TFEC: variants seen among roughly 807,000 people sequenced by gnomAD.
The protein encoded by TFEC is class E basic helix-loop-helix protein 34.
A neutral mutation model predicts 41.6 loss-of-function variants in TFEC; 31 were observed. The observed-to-expected ratio is 0.74, with a 90% CI of 0.56 to 1.01. TFEC has a LOEUF of 1.01. TFEC is among the 50% of genes least tolerant of loss of function. TFEC has a pLI of 0.00. For missense variants in TFEC, 402 were observed against 404.1 expected (o/e 0.99, Z 0.04); for synonymous variants, 143 against 140.6 (o/e 1.02, Z -0.12).
intron 1 of TFEC, among the ~76,000 whole-genome samples, chr7:115,991,169 C>G (rs920909947): frequency 6.6e-6 from 1 of 152,134 alleles, no homozygotes; most frequent in Non-Finnish European, 1.5e-5. Context: ...TACAGACAAG[C>G]AAATGCTGAA....
chr7:116,050,676 G>A (rs1023069794), intron 3 of TFEC, among the ~76,000 whole-genome samples: 1 of 147,118 alleles, frequency 6.8e-6, no homozygotes, highest in African/African-American at 2.5e-5. Flanking sequence ...TAGAGAAATA[G>A]GAACACTTTT....
chr7:116,117,071 T>C (rs1029468603), intron 1 of TFEC, among the ~76,000 whole-genome samples: 27 of 151,782 alleles, frequency 1.8e-4, no homozygotes, highest in African/African-American at 6.0e-4. Context: ...CTTGAAAGAA[T>C]CCAACAAAAA....
intron 4 of TFEC, among the ~76,000 whole-genome samples, chr7:115,955,527 C>T (rs1792176071): frequency 6.6e-6 from 1 of 152,038 alleles, no homozygotes; most frequent in Non-Finnish European, 1.5e-5. Context: ...ATCCTCCAGC[C>T]TCAGTCAAGT....
At chr7:116,111,185 T>C (rs928504901) in intron 2 of TFEC, among the ~76,000 whole-genome samples, 2 of 151,496 alleles carry the variant, frequency 1.3e-5, no homozygotes, top group Non-Finnish European at 2.9e-5. Context: ...GTGCCTGACT[T>C]TGTTATTCTG....
intron 1 of TFEC, among the ~76,000 whole-genome samples, chr7:115,991,549 A>C (rs1402944313): frequency 6.6e-6 from 1 of 152,184 alleles, no homozygotes; most frequent in African/African-American, 2.4e-5. Context: ...AGCAAATGGA[A>C]AACAAAAAAA....
chr7:116,092,911 C>T (rs1797362823), intron 3 of TFEC, among the ~76,000 whole-genome samples: 1 of 152,122 alleles, frequency 6.6e-6, no homozygotes, highest in Non-Finnish European at 1.5e-5. Context: ...TAGACACTTC[C>T]ATAGGCTCTA....
intron 1 of TFEC, among the ~76,000 whole-genome samples, chr7:116,023,713 G>T (rs1378504022): frequency 2.6e-5 from 4 of 152,054 alleles, no homozygotes; most frequent in Non-Finnish European, 5.9e-5. Context: ...TTTTAAATGT[G>T]CCCTATGGTC....
intron 1 of TFEC, among the ~76,000 whole-genome samples, chr7:116,129,603 T>C (rs986080599): frequency 3.4e-5 from 5 of 145,308 alleles, no homozygotes; most frequent in African/African-American, 1.3e-4. Context: ...TTTTTTTTTT[T>C]TTTTTTTGAC....
intron 3 of TFEC, among the ~76,000 whole-genome samples, chr7:116,068,906 A>T (rs1796758093): frequency 6.6e-6 from 1 of 151,758 alleles, no homozygotes. Flanking sequence ...ACCTGAACAC[A>T]TTGAAATAAT....
At chr7:116,106,981 G>A (rs1249904873) in intron 3 of TFEC, among the ~76,000 whole-genome samples, 1 of 152,098 alleles carries the variant, frequency 6.6e-6, no homozygotes, top group Non-Finnish European at 1.5e-5. Context: ...AAATGTTTAA[G>A]ATTTAGAGAC....
Position 116,005,617 on chromosome 7 carries a change from A to T in TFEC, c.-72-21104T>A, listed in dbSNP as rs560233612. On this transcript the variant is annotated intron_variant, in intron 1 of 7. Transcript: ENST00000265440. Reference sequence around the variant, plus strand: ...CAGTTTTATGAGGGAAACAGAGCATAAAAGTTTGGAAAATTTGCAGCCTGA... The same window carrying T: ...CAGTTTTATGAGGGAAACAGAGCATTAAAGTTTGGAAAATTTGCAGCCTGA... Among the ~76,000 whole-genome samples the T allele has an allele frequency of 5.3e-5, 8 of 152,348 alleles. No homozygotes were observed. In the South Asian group the frequency reaches 1.7e-3, roughly 32 times the overall value.
intron 3 of TFEC, among the ~76,000 whole-genome samples, chr7:115,963,750 G>C (rs1016811032): frequency 2.0e-5 from 3 of 151,684 alleles, no homozygotes; most frequent in African/African-American, 7.3e-5. Context: ...AGGTTATCAG[G>C]ATCTGGAGAT....
At chr7:116,034,062 G>A (rs764233729), upstream of TFEC, among the ~76,000 whole-genome samples, 4 of 152,070 alleles carry the variant, frequency 2.6e-5, no homozygotes, top group African/African-American at 7.2e-5. Context: ...CAGTGAATGC[G>A]TGATCATTCT....
chr7:116,116,676 A>G (rs1443423526), intron 1 of TFEC, among the ~76,000 whole-genome samples: 1 of 151,958 alleles, frequency 6.6e-6, no homozygotes, highest in East Asian at 1.9e-4. Context: ...TAAAAATAAT[A>G]GAATCTACTA....
At chr7:116,158,529 A>G (rs1034012161) in intron 1 of TFEC, among the ~76,000 whole-genome samples, 3 of 152,110 alleles carry the variant, frequency 2.0e-5, no homozygotes, top group Non-Finnish European at 2.9e-5. Context: ...TCACTAAGCC[A>G]TTTATTTTTT....
At chr7:116,083,730 G>A (rs965166263) in intron 3 of TFEC, among the ~76,000 whole-genome samples, 1 of 151,844 alleles carries the variant, frequency 6.6e-6, no homozygotes, top group Non-Finnish European at 1.5e-5. Context: ...GAGAATATAA[G>A]GCTTTTTCAA....
intron 1 of TFEC, among the ~76,000 whole-genome samples, chr7:116,114,315 T>C (rs1584534283): frequency 6.6e-6 from 1 of 151,918 alleles, no homozygotes; most frequent in African/African-American, 2.4e-5. Context: ...TCATAGGAAA[T>C]AGATTTGGGG....
intron 3 of TFEC, among the ~76,000 whole-genome samples, chr7:116,104,514 C>T (rs1264403854): frequency 6.6e-6 from 1 of 152,154 alleles, no homozygotes; most frequent in Non-Finnish European, 1.5e-5. Context: ...GATACATTTG[C>T]TCAAGTCCGA....
chr7:116,032,362 A>T (rs1405937658), upstream of TFEC, among the ~76,000 whole-genome samples: 1 of 152,156 alleles, frequency 6.6e-6, no homozygotes, highest in Non-Finnish European at 1.5e-5. Context: ...AAATCAATCT[A>T]TTATAAAGAC....
Sources: gnomAD v4.1 joint callset for allele counts (sites outside exome capture counted in the v4.1 genomes callset) on GRCh38, gnomAD v4.1.1 for gene constraint, MANE v1.5 for transcripts, NCBI Gene and HGNC (gene_info 2026-07-23, HGNC 2026-07-21) for gene names.